Variants in CDH20 observed in about 807,000 individuals in gnomAD.
CDH20 encodes cadherin-20.
In CDH20, 29 loss-of-function variants were observed where a neutral mutation model predicts 74.2. That is an observed-to-expected ratio of 0.39 (90% CI 0.29 to 0.53). The LOEUF (loss-of-function observed/expected upper bound fraction) is 0.53, where lower values mean the gene tolerates loss of function less well. Among genes scored for constraint, CDH20 ranks in the 20% least tolerant of loss-of-function variants. The probability of loss-of-function intolerance (pLI) is 0.69; values close to 1 mark genes in which losing one functional copy is unlikely to be tolerated. For missense variants in CDH20, 988 were observed against 1,048.3 expected (o/e 0.94, Z 0.79); for synonymous variants, 469 against 405.4 (o/e 1.16, Z -1.88).
intron 7 of CDH20, among the ~76,000 whole-genome samples, chr18:61,531,475 G>C (rs1035000): frequency 2.0e-5 from 3 of 152,044 alleles, no homozygotes; most frequent in Admixed American, 2.0e-4. Flanking sequence ...TGAGCCAATC[G>C]GTGTTTTTTT....
intron 6 of CDH20, among the ~76,000 whole-genome samples, chr18:61,525,309 A>G (rs1417104006): frequency 1.3e-5 from 2 of 152,212 alleles, no homozygotes; most frequent in African/African-American, 4.8e-5. Flanking sequence ...AAATTAGAAA[A>G]ACAATTTAAA....
intron 1 of CDH20, among the ~76,000 whole-genome samples, chr18:61,376,988 G>A (rs933162476): frequency 1.3e-5 from 2 of 152,162 alleles, no homozygotes; most frequent in Non-Finnish European, 2.9e-5. Flanking sequence ...AGGCTTAGCT[G>A]ATACGACCAG....
At chr18:61,481,476 A>G (rs1252619795) in intron 1 of CDH20, among the ~76,000 whole-genome samples, 1 of 152,178 alleles carries the variant, frequency 6.6e-6, no homozygotes, top group East Asian at 1.9e-4. Context: ...CAAATGATAC[A>G]CTATGTTCTA....
intron 6 of CDH20, among the ~76,000 whole-genome samples, chr18:61,512,832 C>T (rs1911835351): frequency 6.6e-6 from 1 of 151,996 alleles, no homozygotes. Flanking sequence ...ATTCTTAATC[C>T]TGAGTTCTAG....
At chr18:61,481,952 C>G (rs1237563341) in intron 1 of CDH20, among the ~76,000 whole-genome samples, 1 of 151,868 alleles carries the variant, frequency 6.6e-6, no homozygotes, top group African/African-American at 2.4e-5. Context: ...CTAGCTAGAC[C>G]ACATTATTCT....
chr18:61,395,894 G>A (rs182773377), intron 1 of CDH20, among the ~76,000 whole-genome samples: 58 of 152,266 alleles, frequency 3.8e-4, no homozygotes, highest in South Asian at 3.7e-3. Flanking sequence ...TTAGTTGGGC[G>A]TGGTGGCACA....
At position 61,532,478 on chromosome 18, in the gene CDH20, A is replaced by C. The variant is rs572060800; in HGVS notation, c.1272-4015A>C. Among the ~76,000 whole-genome samples the C allele has an allele frequency of 4.6e-5, 7 of 152,032 alleles. No homozygotes were observed. The East Asian group carries it at 1.4e-3, about 29-fold the overall frequency. ...AAAAAATATACATTGTATTTGATAC[A>C]ATACATTTTACCAACGATATATATG... is the stretch of plus-strand genomic sequence containing the variant. On this transcript the variant is annotated intron_variant, in intron 7 of 11. Coordinates refer to ENST00000262717, the MANE Select transcript of CDH20 (RefSeq NM_031891.4).
chr18:61,455,192 G>A (rs1256777084), intron 1 of CDH20, among the ~76,000 whole-genome samples: 1 of 152,132 alleles, frequency 6.6e-6, no homozygotes, highest in African/African-American at 2.4e-5. Flanking sequence ...GAAAGACAAG[G>A]AAAATTGAAG....
chr18:61,370,714 G>T (rs1911006503), intron 1 of CDH20, among the ~76,000 whole-genome samples: 1 of 152,028 alleles, frequency 6.6e-6, no homozygotes, highest in Non-Finnish European at 1.5e-5. Flanking sequence ...TAGTCTGATT[G>T]CTGTAAACTG....
chr18:61,476,933 AACTGG>A (rs1452044014), intron 1 of CDH20, among the ~76,000 whole-genome samples: 2 of 152,208 alleles, frequency 1.3e-5, no homozygotes, highest in Admixed American at 6.5e-5. Flanking sequence ...ATCAGAGGCT[AACTGG>A]ACTGAACTTT....
At chr18:61,352,729 C>T (rs1910348819) in intron 1 of CDH20, among the ~76,000 whole-genome samples, 1 of 152,174 alleles carries the variant, frequency 6.6e-6, no homozygotes, top group Non-Finnish European at 1.5e-5. Flanking sequence ...ACTCTGACTC[C>T]TCCCTTTGGC....
chr18:61,366,802 C>A (rs553092086), intron 1 of CDH20, among the ~76,000 whole-genome samples: 11 of 152,012 alleles, frequency 7.2e-5, no homozygotes, highest in Non-Finnish European at 1.5e-4. Flanking sequence ...AAAGCAGAGA[C>A]GTTGTAAAAA....
rs777432469 is a variant in CDH20 at position 61,507,336 on chromosome 18, G to T, written c.830-37G>T. On this transcript the variant is annotated intron_variant, in intron 5 of 11. Coordinates refer to ENST00000262717, the MANE Select transcript of CDH20 (RefSeq NM_031891.4). Reference sequence around the variant, plus strand: ...TGATGAGGCATTTTTTATAGTGACGGATTATCAAGAATGCGTGTCCTGGCT... The same window carrying T: ...TGATGAGGCATTTTTTATAGTGACGTATTATCAAGAATGCGTGTCCTGGCT... 29 of 1,585,044 alleles carry T rather than the reference G, an allele frequency of 1.8e-5. No individual in the cohort carries two copies. In the East Asian group the frequency reaches 3.6e-4, roughly 20 times the overall value.
intron 1 of CDH20, among the ~76,000 whole-genome samples, chr18:61,422,374 T>C (rs1396066244): frequency 6.6e-6 from 1 of 152,162 alleles, no homozygotes; most frequent in African/African-American, 2.4e-5. Flanking sequence ...CTTGATATCA[T>C]TTAAATTAAA....
chr18:61,555,732 T>C lies in CDH20; in HGVS notation c.*1037T>C. On this transcript the variant is annotated 3_prime_UTR_variant, in exon 12 of 12. Coordinates refer to ENST00000262717, the MANE Select transcript of CDH20 (RefSeq NM_031891.4). ...TTGGTAATAAATATGATGTACTGCA[T>C]CTCAGTACCTTAGCACTTCTTTTAA... 3.2e-6 allele frequency: 3 copies of C among 948,826 alleles called. No individual in the cohort carries two copies. Among genetic ancestry groups the C allele is most frequent in the Non-Finnish European group, 3.8e-6 (3 of 796,438 alleles). 58.8% of individuals were successfully genotyped at this position (948,826 alleles called of 1,614,324 possible).
chr18:61,439,226 C>T (rs1455548656), intron 1 of CDH20, among the ~76,000 whole-genome samples: 2 of 151,928 alleles, frequency 1.3e-5, no homozygotes, highest in Non-Finnish European at 2.9e-5. Flanking sequence ...TGTAAGAAAC[C>T]CATGCATGTA....
intron 6 of CDH20, among the ~76,000 whole-genome samples, chr18:61,510,920 G>A (rs1428230193): frequency 2.0e-5 from 3 of 150,752 alleles, no homozygotes; most frequent in Non-Finnish European, 3.0e-5. Context: ...ACTAGTAACT[G>A]TAAATAAGGG....
chr18:61,456,566 A>G (rs138823516), intron 1 of CDH20, among the ~76,000 whole-genome samples: 20 of 152,326 alleles, frequency 1.3e-4, no homozygotes, highest in African/African-American at 4.8e-4. Flanking sequence ...AAGTTTGGAG[A>G]AAGATGTATT....
intron 7 of CDH20, 94 bp downstream of exon 7, chr18:61,528,314 C>T (rs1269357193): frequency 3.1e-6 from 4 of 1,311,356 alleles, no homozygotes. Context: ...TTTCTTTCTT[C>T]TCTATCCCAT....
Sources: allele counts gnomAD v4.1 joint callset (sites outside exome capture counted in the v4.1 genomes callset), GRCh38; gene constraint gnomAD v4.1.1; transcripts MANE v1.5; gene names NCBI Gene and HGNC (gene_info 2026-07-23, HGNC 2026-07-21).